The following ARHGAP22 variants were observed in gnomAD, a reference collection of about 807,000 sequenced individuals.
The protein encoded by ARHGAP22 is Rho GTPase activating protein 22, also known as rho GTPase-activating protein 22.
A neutral mutation model predicts 59.1 loss-of-function variants in ARHGAP22; 48 were observed. The ratio of observed to expected loss-of-function variants is 0.81; its 90% confidence interval spans 0.64 to 1.03. ARHGAP22 has a LOEUF of 1.03. Among genes scored for constraint, ARHGAP22 ranks in the 50% least tolerant of loss-of-function variants. ARHGAP22 has a pLI of 0.00. For missense variants in ARHGAP22, 1,015 were observed against 958.7 expected, an observed-to-expected ratio of 1.06 and a Z score of -0.78; for synonymous variants, 445 against 416.4, an observed-to-expected ratio of 1.07 and a Z score of -0.84.
At chr10:48,623,704 G>GGT (rs139634829) in intron 1 of ARHGAP22, among the ~76,000 whole-genome samples, 259 of 152,276 alleles carry the variant, frequency 1.7e-3, no homozygotes, top group African/African-American at 6.0e-3. Context: ...CCAAGCTCCT[G>GGT]GTTAAGAGGA....
rs538307726 is a variant in ARHGAP22 at position 48,528,031 on chromosome 10, A to G, written c.322+27432T>C. On this transcript the variant is annotated intron_variant, in intron 3 of 9. Transcript: ENST00000249601. ...GGCTGCCCCATTCATCCAGAGCTCTACTTCCTGCCACTTTACTCCATTTCT... is the reference window on the plus strand; with the variant it reads ...GGCTGCCCCATTCATCCAGAGCTCTGCTTCCTGCCACTTTACTCCATTTCT... Among the ~76,000 whole-genome samples the G allele has an allele frequency of 7.9e-5, 12 of 152,284 alleles. 1 individual carries two copies. The South Asian group carries it at 2.3e-3, about 29-fold the overall frequency.
chr10:48,552,405 G>C (rs1253001297), intron 3 of ARHGAP22, among the ~76,000 whole-genome samples: 4 of 152,280 alleles, frequency 2.6e-5, no homozygotes, highest in African/African-American at 9.6e-5. Flanking sequence ...ACTGCTCACA[G>C]AGCCTGCCAC....
the ARHGAP22 span, chr10:48,436,919 ATGAG>A: frequency 2.6e-5 from 4 of 152,242 alleles, no homozygotes; most frequent in South Asian, 2.1e-4. Flanking sequence ...AAATTTGAGA[ATGAG>A]TGTGTTTATA....
intron 3 of ARHGAP22, among the ~76,000 whole-genome samples, chr10:48,520,327 G>T (rs529928718): frequency 9.8e-5 from 15 of 152,306 alleles, no homozygotes; most frequent in Admixed American, 7.8e-4. Context: ...TTCAGCCCTG[G>T]TTCTGCTGTT....
intron 2 of ARHGAP22, among the ~76,000 whole-genome samples, chr10:48,580,006 G>A (rs752254100): frequency 2.8e-4 from 43 of 152,166 alleles, no homozygotes; most frequent in Non-Finnish European, 5.3e-4. Flanking sequence ...TGCCATAGAA[G>A]CCAGGCTTTG....
In ARHGAP22 at chr10:48,472,522, TC is replaced by T. The variant is rs931964722; in HGVS notation, c.451+7113del. ...CTGGGCAACAGAGCGAGACTCTGTC[TC>T]AAAAATAAAATAAAATAAAATAAAA... On this transcript the variant is annotated intron_variant, in intron 4 of 9. Transcript: ENST00000249601. Among the ~76,000 whole-genome samples, 54 of 139,156 alleles carry T rather than the reference TC, an allele frequency of 3.9e-4. No individual in the cohort carries two copies. In the Middle Eastern group the frequency reaches 0.01, roughly 27 times the overall value. The allele number at this position is 139,156 out of a possible 152,430, so 91.3% of individuals were successfully genotyped here.
At chr10:48,562,076 A>T (rs2057722799) in intron 2 of ARHGAP22, among the ~76,000 whole-genome samples, 1 of 151,886 alleles carries the variant, frequency 6.6e-6, no homozygotes, top group Non-Finnish European at 1.5e-5. Context: ...AAATACAAAA[A>T]TTTGCGGGGT....
chr10:48,553,369 G>A (rs777877452), intron 3 of ARHGAP22, among the ~76,000 whole-genome samples: 3 of 152,236 alleles, frequency 2.0e-5, no homozygotes, highest in Non-Finnish European at 4.4e-5. Flanking sequence ...TGAGACAAAG[G>A]AGTTCAGGAA....
chr10:48,432,561 T>C, the ARHGAP22 span, among the ~76,000 whole-genome samples: 1 of 152,182 alleles, frequency 6.6e-6, no homozygotes, highest in Non-Finnish European at 1.5e-5. Flanking sequence ...TAGCTTTGTA[T>C]TGCTATATAG....
chr10:48,514,479 A>G (rs2053098612), intron 3 of ARHGAP22, among the ~76,000 whole-genome samples: 1 of 152,190 alleles, frequency 6.6e-6, no homozygotes. Context: ...TCAACCAAGA[A>G]TTCTATATCC....
At chr10:48,473,671 C>T (rs778807114) in intron 4 of ARHGAP22, among the ~76,000 whole-genome samples, 11 of 152,156 alleles carry the variant, frequency 7.2e-5, no homozygotes, top group South Asian at 2.1e-4. Flanking sequence ...AGAGGTACAG[C>T]GAAGATAAGA....
At chr10:48,468,661 A>G (rs1418722229) in intron 4 of ARHGAP22, among the ~76,000 whole-genome samples, 2 of 152,186 alleles carry the variant, frequency 1.3e-5, no homozygotes, top group Non-Finnish European at 2.9e-5. Flanking sequence ...TGTGGACCTA[A>G]TATAAGGATA....
chr10:48,641,739 G>A (rs1180484667), intron 1 of ARHGAP22, among the ~76,000 whole-genome samples: 1 of 152,152 alleles, frequency 6.6e-6, no homozygotes, highest in Non-Finnish European at 1.5e-5. Context: ...TGGAAGTTCT[G>A]GTCAGGGCAA....
rs558686832 is a variant in ARHGAP22 at position 48,563,350 on chromosome 10, C to T, written c.235-7800G>A. ...CTGGGACTACAGGCGCCCACCACCA[C>T]GCCTGGCTAATTTTTTGTATTTTTA... On this transcript the variant is annotated intron_variant, in intron 2 of 9. Transcript: ENST00000249601. 1.2e-4 allele frequency among the ~76,000 whole-genome samples: 19 copies of T among 152,194 alleles called. No homozygotes were observed. In the East Asian group the frequency reaches 2.9e-3, roughly 23 times the overall value.
At chr10:48,465,188 C>T (rs922098786) in intron 4 of ARHGAP22, among the ~76,000 whole-genome samples, 9 of 152,256 alleles carry the variant, frequency 5.9e-5, no homozygotes, top group Non-Finnish European at 1.0e-4. Context: ...GAAACCCAGC[C>T]ATCGTGTGGG....
intron 1 of ARHGAP22, among the ~76,000 whole-genome samples, chr10:48,643,750 A>AT (rs768366739): frequency 8.0e-6 from 1 of 125,014 alleles, no homozygotes; most frequent in Admixed American, 7.4e-5. Flanking sequence ...TTAAAGTATA[A>AT]TTAAAAAAAA....
intron 3 of ARHGAP22, 114 bp from the exon 4 acceptor site, chr10:48,479,878 A>T (rs2049124418): frequency 3.7e-6 from 4 of 1,082,892 alleles, no homozygotes; most frequent in Admixed American, 6.3e-5. Context: ...CCTTCCAGCA[A>T]CAGCTGAGCT....
At chr10:48,528,288 G>T (rs1180679104) in intron 3 of ARHGAP22, among the ~76,000 whole-genome samples, 1 of 152,186 alleles carries the variant, frequency 6.6e-6, no homozygotes, top group Non-Finnish European at 1.5e-5. Flanking sequence ...TCTCAGGTGT[G>T]AGCTCAGCCC....
chr10:48,582,277 A>G (rs1286274744), intron 2 of ARHGAP22, among the ~76,000 whole-genome samples: 1 of 152,104 alleles, frequency 6.6e-6, no homozygotes, highest in African/African-American at 2.4e-5. Flanking sequence ...TCCCCAAGAG[A>G]TACCCTTTCT....
Sources: gnomAD v4.1 joint callset for allele counts (sites outside exome capture counted in the v4.1 genomes callset) on GRCh38, gnomAD v4.1.1 for gene constraint, MANE v1.5 for transcripts, NCBI Gene and HGNC (gene_info 2026-07-23, HGNC 2026-07-21) for gene names.